Variants in ANK2 observed in about 807,000 individuals in gnomAD.
ANK2 encodes the protein ankyrin 2.
ANK2 carries 83 observed loss-of-function variants against 360.5 expected under a neutral mutation model. That is an observed-to-expected ratio of 0.23 (90% confidence interval 0.19 to 0.28). ANK2 has a LOEUF of 0.28. Among genes scored for constraint, ANK2 ranks in the 10% least tolerant of loss-of-function variants. The pLI is 1.00. For missense variants in ANK2, 4,201 were observed against 4,795.7 expected (o/e 0.88, Z 3.66); for synonymous variants, 1,740 against 1,759.5 (o/e 0.99, Z 0.28).
At chr4:112,899,973 G>T (rs2082824210) in intron 1 of ANK2, among the ~76,000 whole-genome samples, 1 of 152,020 alleles carries the variant, frequency 6.6e-6, no homozygotes, top group African/African-American at 2.4e-5. Context: ...CCAAAATTTT[G>T]GTGTTGTTTT....
At chr4:113,132,648 G>A (rs966996925) in intron 1 of ANK2, among the ~76,000 whole-genome samples, 3 of 152,106 alleles carry the variant, frequency 2.0e-5, no homozygotes, top group Admixed American at 6.6e-5. Flanking sequence ...TGTGGGTGGG[G>A]TGAAGAGAAC....
chr4:113,118,362 A>G (rs978651022), intron 1 of ANK2, among the ~76,000 whole-genome samples: 5 of 152,226 alleles, frequency 3.3e-5, no homozygotes, highest in South Asian at 2.1e-4. Flanking sequence ...TAGGGATGCA[A>G]TGGGGATCCA....
chr4:112,948,649 C>T (rs1561233548), intron 2 of ANK2, among the ~76,000 whole-genome samples: 1 of 152,208 alleles, frequency 6.6e-6, no homozygotes, highest in Non-Finnish European at 1.5e-5. Context: ...CATCTCAAGT[C>T]ATCTTATAGC....
chr4:113,094,743 A>C (rs1246390742), intron 1 of ANK2, among the ~76,000 whole-genome samples: 1 of 152,226 alleles, frequency 6.6e-6, no homozygotes, highest in Non-Finnish European at 1.5e-5. Flanking sequence ...TTTAGTTACT[A>C]AACATATTTA....
chr4:113,077,787 G>T (rs2080734406), intron 1 of ANK2, among the ~76,000 whole-genome samples: 1 of 152,218 alleles, frequency 6.6e-6, no homozygotes, highest in South Asian at 2.1e-4. Context: ...AAAGCCAGCA[G>T]CTGGCCTCCA....
chr4:112,873,768 T>A, intron 1 of ANK2, among the ~76,000 whole-genome samples: 1 of 151,434 alleles, frequency 6.6e-6, no homozygotes, highest in Non-Finnish European at 1.5e-5. Context: ...ATGGTCTTGA[T>A]CTCGACCTCG....
chr4:112,732,853 G>A, the ANK2 span, among the ~76,000 whole-genome samples: 4 of 151,800 alleles, frequency 2.6e-5, no homozygotes, highest in African/African-American at 7.3e-5. Flanking sequence ...AGGCTGAGGC[G>A]GGGGGATCAC....
At chr4:112,733,827 T>G in the ANK2 span, among the ~76,000 whole-genome samples, 2 of 152,182 alleles carry the variant, frequency 1.3e-5, no homozygotes, top group African/African-American at 4.8e-5. Flanking sequence ...CAGCCTGGAG[T>G]GCAATGATGT....
intron 1 of ANK2, among the ~76,000 whole-genome samples, chr4:113,078,177 C>T (rs773228572): frequency 1.3e-5 from 2 of 152,164 alleles, no homozygotes; most frequent in African/African-American, 4.8e-5. Flanking sequence ...TGCTAAAGAA[C>T]GGTAAAATAG....
intron 1 of ANK2, among the ~76,000 whole-genome samples, chr4:112,860,328 G>A (rs1228512951): frequency 6.6e-6 from 1 of 152,134 alleles, no homozygotes; most frequent in African/African-American, 2.4e-5. Flanking sequence ...CCGGGTTCAA[G>A]CGATTCTTCT....
intron 40 of ANK2, 46 bp from the exon 41 acceptor site, chr4:113,364,993 A>G (rs1469558109): frequency 8.7e-6 from 14 of 1,612,072 alleles, no homozygotes; most frequent in African/African-American, 1.3e-5. Context: ...GAGATTTTTA[A>G]GAGTACCTCT....
upstream of ANK2, among the ~76,000 whole-genome samples, chr4:112,814,404 G>A (rs946337510): frequency 6.6e-6 from 1 of 151,298 alleles, no homozygotes; most frequent in Non-Finnish European, 1.5e-5. Flanking sequence ...AGTTAAATGA[G>A]ATGGAAAATG....
chr4:112,957,345 C>T (rs1446993569), intron 2 of ANK2, among the ~76,000 whole-genome samples: 1 of 152,188 alleles, frequency 6.6e-6, no homozygotes, highest in Non-Finnish European at 1.5e-5. Context: ...GATCACAGAT[C>T]AACAGGATCA....
At chr4:112,896,331 C>A (rs572272941) in intron 1 of ANK2, among the ~76,000 whole-genome samples, 47 of 152,316 alleles carry the variant, frequency 3.1e-4, no homozygotes, top group African/African-American at 1.1e-3. Flanking sequence ...GTTCATTCAT[C>A]AGGGGCAAAT....
At chr4:112,878,608 G>A (rs1360192851) in intron 1 of ANK2, among the ~76,000 whole-genome samples, 1 of 152,124 alleles carries the variant, frequency 6.6e-6, no homozygotes, top group Non-Finnish European at 1.5e-5. Flanking sequence ...TTACAGGCGT[G>A]AGCCACTGTG....
In ANK2 at chr4:113,252,286, C is replaced by T. The variant is rs552404588; in HGVS notation, c.990+2424C>T. On this transcript the variant is annotated intron_variant, in intron 10 of 45. Transcript: ENST00000357077. ...TGATTCAGTTATCTCCCACTGGGTCCCTCTCGCAACACAAGGGAATTATGG... is the reference window on the plus strand; with the variant it reads ...TGATTCAGTTATCTCCCACTGGGTCTCTCTCGCAACACAAGGGAATTATGG... Among the ~76,000 whole-genome samples, 6 of 152,262 alleles carry T rather than the reference C, an allele frequency of 3.9e-5. No homozygotes were observed. The South Asian group carries it at 1.0e-3, about 26-fold the overall frequency.
the ANK2 span, among the ~76,000 whole-genome samples, chr4:112,764,287 C>G: frequency 1.3e-5 from 2 of 151,958 alleles, no homozygotes; most frequent in African/African-American, 4.8e-5. Context: ...ATTTTTTCGT[C>G]CCATTGATCT....
At chr4:113,145,724 A>G (rs2096803119) in intron 1 of ANK2, 2 of 1,145,126 alleles carry the variant, frequency 1.7e-6, no homozygotes, top group Admixed American at 3.6e-5. Flanking sequence ...GATGGGGAGA[A>G]CTGGTGAGGG....
intron 2 of ANK2, among the ~76,000 whole-genome samples, chr4:112,957,007 G>GTTTT (rs56066718): frequency 2.3e-3 from 155 of 66,432 alleles, no homozygotes; most frequent in Middle Eastern, 0.029. Flanking sequence ...TATTGCTCTT[G>GTTTT]TTTTTTTTTT....
Sources: allele counts gnomAD v4.1 joint callset (sites outside exome capture counted in the v4.1 genomes callset), GRCh38; gene constraint gnomAD v4.1.1; transcripts MANE v1.5; gene names NCBI Gene and HGNC (gene_info 2026-07-23, HGNC 2026-07-21).